GLRA1: variants seen among roughly 807,000 people sequenced by gnomAD.
GLRA1 encodes the protein glycine receptor subunit alpha-1.
Under a neutral mutation model 48.3 loss-of-function variants are expected in GLRA1, and 37 were observed. The ratio of observed to expected loss-of-function variants is 0.77; its 90% CI spans 0.59 to 1.01. GLRA1 has a LOEUF of 1.01. GLRA1 is among the 50% of genes least tolerant of loss of function. The pLI is 0.00. For synonymous variants in GLRA1, 196 were observed against 210.7 expected (o/e 0.93, Z 0.60); for missense variants, 427 against 571.0 (o/e 0.75, Z 2.57).
rs545562666 is a variant in GLRA1, at chr5:151,849,191, T to G, written c.912+2199A>C. ...TCTTTCTTTCTTTCTTTCTTTCTTT[T>G]CTTTCTTTTCTTTCTTTCCTTCCTT... On this transcript the variant is annotated intron_variant, in intron 7 of 8. Transcript: ENST00000274576. 103 of 124,522 alleles carry G rather than the reference T, an allele frequency of 8.3e-4. 10 individuals are homozygous for G. Among genetic ancestry groups the G allele is most frequent in the Admixed American group, 1.2e-3 (14 of 11,208 alleles). 7.7% of individuals were successfully genotyped at this position (124,522 alleles called of 1,614,324 possible).
intron 3 of GLRA1, among the ~76,000 whole-genome samples, chr5:151,863,263 G>A (rs1753249372): frequency 6.6e-6 from 1 of 152,006 alleles, no homozygotes. Flanking sequence ...AGGTAGCAGG[G>A]TGTGATGGCA....
intron 6 of GLRA1, 93 bp from the exon 7 acceptor site, chr5:151,851,697 G>A (rs1561556414): frequency 3.7e-6 from 3 of 806,318 alleles, no homozygotes; most frequent in South Asian, 2.8e-5. Context: ...TCCTGGTTCA[G>A]TCTCACACTA....
chr5:151,911,606 T>A (rs1288889123), intron 1 of GLRA1, among the ~76,000 whole-genome samples: 4 of 144,406 alleles, frequency 2.8e-5, no homozygotes, highest in Admixed American at 2.0e-4. Flanking sequence ...TAGAGTTTTT[T>A]TTTTTTTTTT....
At chr5:151,828,870 CTT>C (rs768772565) in intron 8 of GLRA1, 49 bp downstream of exon 8, 5 of 1,566,380 alleles carry the variant, frequency 3.2e-6, no homozygotes, top group Non-Finnish European at 8.7e-7. Context: ...GCTTAGAACT[CTT>C]TTGTTTACTA....
chr5:151,892,773 C>T (rs1196539837), intron 1 of GLRA1, among the ~76,000 whole-genome samples: 1 of 152,180 alleles, frequency 6.6e-6, no homozygotes, highest in Admixed American at 6.5e-5. Context: ...TTTTGGTAGA[C>T]CTAACCTTGT....
chr5:151,913,378 C>T (rs145154944), intron 1 of GLRA1, among the ~76,000 whole-genome samples: 55 of 152,228 alleles, frequency 3.6e-4, no homozygotes, highest in African/African-American at 1.3e-3. Context: ...GAGTATAGGG[C>T]ACAACATGAG....
intron 7 of GLRA1, chr5:151,850,567 A>G (rs1752873118): frequency 2.2e-6 from 3 of 1,362,532 alleles, no homozygotes; most frequent in Non-Finnish European, 2.1e-6. Flanking sequence ...ACAAAGCCCA[A>G]CACCTAGCTG....
chr5:151,907,138 G>T (rs1317427487), intron 1 of GLRA1, among the ~76,000 whole-genome samples: 2 of 152,068 alleles, frequency 1.3e-5, no homozygotes, highest in East Asian at 3.9e-4. Context: ...ACTTCTCTGA[G>T]CCTGTTTCTT....
chr5:151,896,811 A>G (rs1754236968), intron 1 of GLRA1, among the ~76,000 whole-genome samples: 2 of 152,254 alleles, frequency 1.3e-5, no homozygotes, highest in Admixed American at 6.5e-5. Flanking sequence ...GAAAACTAAT[A>G]TTACTTGCCA....
intron 7 of GLRA1, among the ~76,000 whole-genome samples, chr5:151,832,591 G>T (rs2113297469): frequency 6.6e-6 from 1 of 152,302 alleles, no homozygotes; most frequent in South Asian, 2.1e-4. Flanking sequence ...ATGAAGACAA[G>T]ATTAGAGAAA....
chr5:151,827,757 T>C (rs748818321), intron 8 of GLRA1, among the ~76,000 whole-genome samples: 5 of 152,202 alleles, frequency 3.3e-5, no homozygotes, highest in African/African-American at 4.8e-5. Flanking sequence ...ATTGCAGGTA[T>C]GTACTGTGAC....
intron 7 of GLRA1, among the ~76,000 whole-genome samples, chr5:151,840,196 C>T (rs770764119): frequency 6.6e-6 from 1 of 151,874 alleles, no homozygotes; most frequent in Non-Finnish European, 1.5e-5. Context: ...AAGGTTCAAG[C>T]AGTCCTCCCA....
rs758404412 is a variant in GLRA1, at chr5:151,851,439, A to C, written c.863T>G (p.Val288Gly). 6.2e-7 allele frequency: 1 copy of C among 1,614,074 alleles called. No homozygotes were observed. Among genetic ancestry groups the C allele is most frequent in the Non-Finnish European group, 8.5e-7 (1 of 1,180,002 alleles). The change falls in exon 7 of 9, where the codon GTG becomes GGG. Residue 288 changes from valine (V) to glycine (G), a missense_variant. This residue lies in a region of GLRA1 where 271 missense variants were observed against 434.9 expected (regional missense o/e 0.62). Transcript: ENST00000274576. ...GGAGCTCTGGGTGGTCATGGTGAGC[A>C]CAGTGGTGATGCCTAGGCCCACACG... ...PARVGLGITTVLTMTTQSSGS... is the reference protein window; with the variant it reads ...PARVGLGITTGLTMTTQSSGS...
chr5:151,901,978 T>C (rs967143830), intron 1 of GLRA1, among the ~76,000 whole-genome samples: 2 of 152,194 alleles, frequency 1.3e-5, no homozygotes, highest in African/African-American at 4.8e-5. Flanking sequence ...TTATTGACTC[T>C]TCCAAGTGAT....
At position 151,924,713 on chromosome 5, in the gene GLRA1, G is replaced by C; in HGVS notation, c.-164C>G. 2 of 692,488 alleles carry C rather than the reference G, an allele frequency of 2.9e-6. No homozygotes were observed. 42.9% of individuals were successfully genotyped at this position (692,488 alleles called of 1,614,324 possible). Reference sequence around the variant, plus strand: ...AGAGCCCCAGGGGAAATTGGAGCGAGGGGGTCGTAGATACCACGGACAGCG... The same window carrying C: ...AGAGCCCCAGGGGAAATTGGAGCGACGGGGTCGTAGATACCACGGACAGCG... On this transcript the variant is annotated 5_prime_UTR_variant, in exon 1 of 9. Transcript: ENST00000274576.
intron 7 of GLRA1, among the ~76,000 whole-genome samples, chr5:151,831,460 G>C (rs762989994): frequency 1.3e-5 from 2 of 152,190 alleles, no homozygotes; most frequent in African/African-American, 4.8e-5. Flanking sequence ...TGAGCTTGGT[G>C]GGGGGAGGAG....
intron 8 of GLRA1, among the ~76,000 whole-genome samples, chr5:151,823,576 A>AG (rs34650299): frequency 6.6e-6 from 1 of 152,196 alleles, no homozygotes; most frequent in African/African-American, 2.4e-5. Flanking sequence ...TCTACAAGCC[A>AG]GGGAAGCCAC....
chr5:151,822,841 AG>A lies in GLRA1; in HGVS notation c.1181del (p.Pro394LeufsTer77), dbSNP rs1561543545. The part of the protein sequence containing the change: ...GANNSNTTNP[P>X]PAPSKSPEEM... ...CCTCTGGGGACTTAGATGGTGCAGG[AG>A]GGGGGTTGGTGGTGTTACTGTTGTT... On this transcript the variant is annotated frameshift_variant, in exon 9 of 9. Coordinates refer to ENST00000274576, the MANE Select transcript of GLRA1 (RefSeq NM_000171.4). LOFTEE classifies it high-confidence loss of function. 3.7e-6 allele frequency: 6 copies of A among 1,614,020 alleles called. No homozygotes were observed. The highest frequency in any genetic ancestry group is 5.1e-6 in the Non-Finnish European group (6 of 1,179,982).
chr5:151,849,104 T>TTTCTTTTCTTTTCTTTCTTTC (rs200997346), intron 7 of GLRA1: 1 of 116,064 alleles, frequency 8.6e-6, no homozygotes, highest in African/African-American at 7.0e-5. Context: ...ATTTCTTTTC[T>TTTCTTTTCTTTTCTTTCTTTC]TTTCTTTCTT....
Sources: gnomAD v4.1 joint callset for allele counts (sites outside exome capture counted in the v4.1 genomes callset) on GRCh38, gnomAD v4.1.1 for gene constraint, gnomAD v4.1.1 regional missense constraint, MANE v1.5 for transcripts, NCBI Gene and HGNC (gene_info 2026-07-23, HGNC 2026-07-21) for gene names.